FBXL20: variants seen among roughly 807,000 people sequenced by gnomAD.
FBXL20 encodes F-box/LRR-repeat protein 20.
In FBXL20, 11 loss-of-function variants were observed where a neutral mutation model predicts 64.0. That is an observed-to-expected ratio of 0.17 (90% CI 0.11 to 0.28). The LOEUF is 0.28. FBXL20 is among the 10% of genes least tolerant of loss of function. The pLI is 1.00. For missense variants in FBXL20, 303 were observed against 526.2 expected, an observed-to-expected ratio of 0.58 and a Z score of 4.15; for synonymous variants, 184 against 189.0, an observed-to-expected ratio of 0.97 and a Z score of 0.22.
At chr17:39,315,806 TGAGA>T (rs36158395) in intron 2 of FBXL20, among the ~76,000 whole-genome samples, 10 of 107,532 alleles carry the variant, frequency 9.3e-5, no homozygotes, top group East Asian at 5.4e-4. Context: ...AGGGGATCTT[TGAGA>T]GAGAGTGAGA....
chr17:39,401,185 G>A (rs533962901), intron 1 of FBXL20, among the ~76,000 whole-genome samples, 176 bp downstream of exon 1: 3 of 152,274 alleles, frequency 2.0e-5, no homozygotes, highest in African/African-American at 7.2e-5. Context: ...GGGGACTGGG[G>A]GCACCGGGCT....
At chr17:39,317,565 T>C (rs1035134108) in intron 2 of FBXL20, among the ~76,000 whole-genome samples, 9 of 150,802 alleles carry the variant, frequency 6.0e-5, no homozygotes, top group Non-Finnish European at 1.3e-4. Context: ...ATTACTGAAT[T>C]CCAAATAATA....
At chr17:39,285,677 T>C (rs1353650805) in intron 6 of FBXL20, 104 bp from the exon 7 acceptor site, 4 of 566,806 alleles carry the variant, frequency 7.1e-6, no homozygotes, top group East Asian at 7.0e-5. Flanking sequence ...ATATAAGAAC[T>C]GTAAAATTTT....
intron 1 of FBXL20, among the ~76,000 whole-genome samples, chr17:39,379,933 C>G (rs781438187): frequency 6.6e-5 from 10 of 152,016 alleles, no homozygotes; most frequent in Admixed American, 1.3e-4. Context: ...GAGCCATGAT[C>G]GCATCATGGC....
At chr17:39,325,351 T>C (rs2047399720) in intron 2 of FBXL20, among the ~76,000 whole-genome samples, 1 of 152,196 alleles carries the variant, frequency 6.6e-6, no homozygotes, top group Non-Finnish European at 1.5e-5. Context: ...ACTCTTGAAA[T>C]AACATGTTTT....
chr17:39,338,028 T>A (rs910855782), intron 2 of FBXL20, among the ~76,000 whole-genome samples: 1 of 152,176 alleles, frequency 6.6e-6, no homozygotes, highest in African/African-American at 2.4e-5. Flanking sequence ...CCACCCCGTC[T>A]GGGAGCTGTA....
At chr17:39,364,218 G>A (rs1475391486) in intron 1 of FBXL20, among the ~76,000 whole-genome samples, 1 of 152,106 alleles carries the variant, frequency 6.6e-6, no homozygotes, top group Non-Finnish European at 1.5e-5. Context: ...TTGTGGCAAT[G>A]CCCCTTTGCA....
chr17:39,291,330 AT>A (rs1338414647), intron 6 of FBXL20, among the ~76,000 whole-genome samples: 2 of 136,148 alleles, frequency 1.5e-5, no homozygotes, highest in Non-Finnish European at 3.2e-5. Context: ...ACTTTTTTCT[AT>A]TTTTTTCTTC....
At chr17:39,309,798 A>G (rs2047215533) in intron 2 of FBXL20, among the ~76,000 whole-genome samples, 1 of 151,436 alleles carries the variant, frequency 6.6e-6, no homozygotes, top group Non-Finnish European at 1.5e-5. Flanking sequence ...TCTCAAAAAA[A>G]AAAAAAAGAA....
intron 11 of FBXL20, among the ~76,000 whole-genome samples, chr17:39,269,843 TGGGC>T (rs2046827668): frequency 6.6e-6 from 1 of 152,182 alleles, no homozygotes; most frequent in African/African-American, 2.4e-5. Flanking sequence ...TTGCCCGGGC[TGGGC>T]TCAAGCGATC....
chr17:39,329,695 A>G (rs950186231), intron 2 of FBXL20, among the ~76,000 whole-genome samples: 11 of 151,848 alleles, frequency 7.2e-5, no homozygotes, highest in East Asian at 3.9e-4. Flanking sequence ...AATGGTTCAG[A>G]AAAAAAACAG....
chr17:39,369,256 CTTTTTTTT>C (rs72363930), intron 1 of FBXL20, among the ~76,000 whole-genome samples: 2 of 98,578 alleles, frequency 2.0e-5, no homozygotes, highest in African/African-American at 8.8e-5. Flanking sequence ...GAATTCAATG[CTTTTTTTT>C]TTTTTTTTTT....
At chr17:39,381,191 A>C (rs2144654785) in intron 1 of FBXL20, among the ~76,000 whole-genome samples, 1 of 151,834 alleles carries the variant, frequency 6.6e-6, no homozygotes, top group African/African-American at 2.4e-5. Context: ...ATAAAAGCTA[A>C]ATAACAGGCC....
intron 1 of FBXL20, among the ~76,000 whole-genome samples, chr17:39,369,297 G>A (rs527730003): frequency 2.5e-4 from 32 of 129,536 alleles, no homozygotes; most frequent in Admixed American, 1.9e-4. Context: ...AGTCTCTGTC[G>A]CTGAGGCTGG....
At chr17:39,339,967 C>T (rs1269511064) in intron 2 of FBXL20, among the ~76,000 whole-genome samples, 2 of 150,286 alleles carry the variant, frequency 1.3e-5, no homozygotes, top group African/African-American at 4.9e-5. Context: ...GAAATGCAGT[C>T]TCGCTTTGTC....
At chr17:39,306,614 T>G (rs536191476) in intron 2 of FBXL20, among the ~76,000 whole-genome samples, 2 of 152,346 alleles carry the variant, frequency 1.3e-5, no homozygotes, top group South Asian at 4.1e-4. Context: ...CATTGGTCTA[T>G]GTCTGCTTTA....
chr17:39,295,032 A>G (rs896731707), intron 6 of FBXL20, among the ~76,000 whole-genome samples: 1 of 152,228 alleles, frequency 6.6e-6, no homozygotes, highest in Non-Finnish European at 1.5e-5. Flanking sequence ...ATACTGAAAT[A>G]CGGATTAAAT....
chr17:39,335,405 C>T (rs1040043851), intron 2 of FBXL20, among the ~76,000 whole-genome samples: 2 of 151,714 alleles, frequency 1.3e-5, no homozygotes, highest in African/African-American at 4.8e-5. Context: ...AATTATCCCG[C>T]TGCAGTGTCT....
rs577530677 is a variant in FBXL20 at position 39,337,981 on chromosome 17, C to A, written c.104+5199G>T. On this transcript the variant is annotated intron_variant, in intron 2 of 14. Coordinates refer to ENST00000264658, the MANE Select transcript of FBXL20 (RefSeq NM_032875.3). The stretch of plus-strand genomic sequence containing the variant: ...GGTGAGGGGCGCCTCTGCCCGGCCG[C>A]CCCTACTGGGAAGTGAGGAGCCCCT... Among the ~76,000 whole-genome samples, 806 of 151,988 alleles carry A rather than the reference C, an allele frequency of 5.3e-3. 4 individuals carry two copies. Among genetic ancestry groups the A allele is most frequent in the Non-Finnish European group, 8.4e-3 (569 of 67,894 alleles).
Sources: allele counts gnomAD v4.1 joint callset (sites outside exome capture counted in the v4.1 genomes callset), GRCh38; gene constraint gnomAD v4.1.1; transcripts MANE v1.5; gene names NCBI Gene and HGNC (gene_info 2026-07-23, HGNC 2026-07-21).